The following NIM1K variants were observed in gnomAD, a reference collection of about 807,000 sequenced individuals.
The protein encoded by NIM1K is NIM1 serine/threonine protein kinase, also known as serine/threonine-protein kinase NIM1.
NIM1K carries 35 observed loss-of-function variants against 37.1 expected under a neutral mutation model. That is an observed-to-expected ratio of 0.94 (90% CI 0.72 to 1.25). The LOEUF is 1.25. Ranked by LOEUF, NIM1K falls within the 50% of genes most tolerant of loss-of-function variation. The probability of loss-of-function intolerance (pLI) is 0.00; values close to 1 mark genes in which losing one functional copy is unlikely to be tolerated. For missense variants in NIM1K, 564 were observed against 548.0 expected (o/e 1.03, Z -0.29); for synonymous variants, 234 against 206.6 (o/e 1.13, Z -1.14).
At chr5:43,218,974 T>C (rs1451288409) in intron 1 of NIM1K, among the ~76,000 whole-genome samples, 8 of 152,262 alleles carry the variant, frequency 5.3e-5, no homozygotes, top group African/African-American at 1.9e-4. Context: ...AATTGAATCA[T>C]GGGGAAGGTT....
chr5:43,207,477 C>G, intron 1 of NIM1K: 2 of 748,168 alleles, frequency 2.7e-6, no homozygotes, highest in Non-Finnish European at 5.0e-6. Flanking sequence ...AAGAGGTACA[C>G]CAAAGAAGGG....
At chr5:43,258,067 A>G (rs2112279749) in intron 2 of NIM1K, among the ~76,000 whole-genome samples, 1 of 152,316 alleles carries the variant, frequency 6.6e-6, no homozygotes, top group African/African-American at 2.4e-5. Context: ...TCTGGTACTC[A>G]GAGCGCTGCC....
chr5:43,198,193 T>TTC (rs776214059), intron 1 of NIM1K, among the ~76,000 whole-genome samples: 152 of 56,878 alleles, frequency 2.7e-3, no homozygotes, highest in East Asian at 8.6e-3. Context: ...CTTTCTTTCT[T>TTC]TCTTTCTTTC....
At chr5:43,253,199 TATAATATA>T (rs1274392018) in intron 2 of NIM1K, among the ~76,000 whole-genome samples, 11 of 105,734 alleles carry the variant, frequency 1.0e-4, no homozygotes, top group African/African-American at 3.1e-4. Context: ...TAATATAATA[TATAATATA>T]ATATATGTGT....
At chr5:43,239,349 T>C (rs1259438944) in intron 1 of NIM1K, among the ~76,000 whole-genome samples, 1 of 151,962 alleles carries the variant, frequency 6.6e-6, no homozygotes, top group Non-Finnish European at 1.5e-5. Context: ...GCGATTCTCC[T>C]GCCTCAGCCT....
At chr5:43,259,768 G>T (rs1025646005) in intron 2 of NIM1K, among the ~76,000 whole-genome samples, 2 of 151,942 alleles carry the variant, frequency 1.3e-5, no homozygotes, top group Non-Finnish European at 2.9e-5. Context: ...TTTTTCTGTT[G>T]TGCAGAAGCT....
chr5:43,241,653 T>A (rs1388832184), intron 1 of NIM1K, among the ~76,000 whole-genome samples: 5 of 152,052 alleles, frequency 3.3e-5, no homozygotes, highest in African/African-American at 7.3e-5. Flanking sequence ...TTGGTATTTT[T>A]AAAATCAATT....
intron 1 of NIM1K, among the ~76,000 whole-genome samples, chr5:43,224,275 A>G (rs1349221968): frequency 6.6e-6 from 1 of 152,008 alleles, no homozygotes; most frequent in East Asian, 1.9e-4. Flanking sequence ...GAAGTGTCCC[A>G]TAATCTACCT....
intron 1 of NIM1K, chr5:43,240,355 G>T (rs991773780): frequency 3.3e-5 from 5 of 151,802 alleles, no homozygotes; most frequent in African/African-American, 1.2e-4. Flanking sequence ...GATTATAGGT[G>T]TGAGCCACCA....
chr5:43,199,204 A>AAAAAAAAAAAAATATATATAT (rs1200134957), intron 1 of NIM1K, among the ~76,000 whole-genome samples: 1 of 94,070 alleles, frequency 1.1e-5, no homozygotes, highest in African/African-American at 3.9e-5. Flanking sequence ...AAAAAAAAAA[A>AAAAAAAAAAAAATATATATAT]ATATATATAT....
intron 2 of NIM1K, among the ~76,000 whole-genome samples, chr5:43,275,881 G>T (rs960627667): frequency 6.6e-6 from 1 of 151,284 alleles, no homozygotes; most frequent in African/African-American, 2.4e-5. Flanking sequence ...ATAAAGAAAC[G>T]CCTGAAATTG....
At chr5:43,230,550 T>C (rs1026071433) in intron 1 of NIM1K, among the ~76,000 whole-genome samples, 2 of 152,174 alleles carry the variant, frequency 1.3e-5, no homozygotes, top group Non-Finnish European at 2.9e-5. Flanking sequence ...TGTTATAAAA[T>C]AGTGGTTTTC....
intron 2 of NIM1K, 100 bp from the exon 3 acceptor site, chr5:43,276,957 A>G: frequency 1.7e-6 from 2 of 1,207,760 alleles, no homozygotes; most frequent in Non-Finnish European, 2.4e-6. Context: ...GGGAACAGCC[A>G]CTCTCTGTCT....
intron 1 of NIM1K, chr5:43,206,773 T>G (rs1235235959): frequency 2.6e-6 from 2 of 764,278 alleles, no homozygotes; most frequent in African/African-American, 3.4e-5. Flanking sequence ...GAGACCATTC[T>G]AAAAGGCCTC....
At chr5:43,255,046 A>G (rs71627594) in intron 2 of NIM1K, among the ~76,000 whole-genome samples, 6,126 of 152,332 alleles carry the variant, frequency 0.04, 167 homozygotes, top group Middle Eastern at 0.1. Flanking sequence ...CGTGTTATTT[A>G]TAGTGTCGAG....
intron 1 of NIM1K, among the ~76,000 whole-genome samples, chr5:43,214,773 G>C (rs1435487757): frequency 7.8e-6 from 1 of 128,086 alleles, no homozygotes; most frequent in Admixed American, 9.4e-5. Flanking sequence ...CCGAGATCGC[G>C]CCACTGCACT....
intron 1 of NIM1K, chr5:43,231,909 T>C: frequency 9.9e-7 from 1 of 1,010,342 alleles, no homozygotes; most frequent in Non-Finnish European, 1.5e-6. Context: ...CTCACTGGCC[T>C]CAGAAAACTC....
chr5:43,208,096 A>G (rs1268495702), intron 1 of NIM1K, among the ~76,000 whole-genome samples: 3 of 152,090 alleles, frequency 2.0e-5, no homozygotes, highest in Non-Finnish European at 2.9e-5. Flanking sequence ...TTTTATTTCA[A>G]TGTGGGCTTT....
At chr5:43,241,908 A>T (rs1752708484) in intron 1 of NIM1K, among the ~76,000 whole-genome samples, 1 of 151,864 alleles carries the variant, frequency 6.6e-6, no homozygotes, top group African/African-American at 2.4e-5. Context: ...ACATTTACTT[A>T]GATGATTTAT....
Sources: gnomAD v4.1 joint callset for allele counts (sites outside exome capture counted in the v4.1 genomes callset) on GRCh38, gnomAD v4.1.1 for gene constraint, MANE v1.5 for transcripts, NCBI Gene and HGNC (gene_info 2026-07-23, HGNC 2026-07-21) for gene names.